The following RAB3GAP1 variants were observed in gnomAD, a reference collection of about 807,000 sequenced individuals.
The protein encoded by RAB3GAP1 is RAB3 GTPase activating protein catalytic subunit 1.
RAB3GAP1 carries 86 observed loss-of-function variants against 130.7 expected under a neutral mutation model. The ratio of observed to expected loss-of-function variants is 0.66; its 90% confidence interval spans 0.55 to 0.79. The LOEUF (loss-of-function observed/expected upper bound fraction) is 0.79, where lower values mean the gene tolerates loss of function less well. Ranked by LOEUF, RAB3GAP1 falls within the 30% of genes least tolerant of loss-of-function variation. RAB3GAP1 has a pLI of 0.00. For missense variants in RAB3GAP1, 1,029 were observed against 1,169.4 expected, an observed-to-expected ratio of 0.88 and a Z score of 1.75; for synonymous variants, 367 against 401.7, an observed-to-expected ratio of 0.91 and a Z score of 1.03.
In RAB3GAP1 at chr2:135,132,994, T is replaced by C; in HGVS notation, c.1326+10T>C. 2 of 1,465,504 alleles carry C rather than the reference T, an allele frequency of 1.4e-6. No individual in the cohort carries two copies. The highest frequency in any genetic ancestry group is 1.9e-6 in the Non-Finnish European group (2 of 1,045,732). 90.8% of individuals were successfully genotyped at this position (1,465,504 alleles called of 1,614,324 possible). On this transcript the variant is annotated intron_variant, in intron 14 of 23. Transcript: ENST00000264158. ...AGAGAGTGAAGACTATGTAAGTTGA[T>C]GTGGAGTTCAATGTTAAAATGTTTT... is the stretch of plus-strand genomic sequence containing the variant.
intron 19 of RAB3GAP1, among the ~76,000 whole-genome samples, chr2:135,160,667 C>T (rs1388443127): frequency 1.6e-5 from 2 of 125,556 alleles, no homozygotes; most frequent in Non-Finnish European, 3.2e-5. Flanking sequence ...AGAGAAAGAC[C>T]CTGTCTCAAA....
intron 17 of RAB3GAP1, among the ~76,000 whole-genome samples, chr2:135,141,994 C>T (rs991156671): frequency 5.9e-5 from 9 of 152,312 alleles, no homozygotes; most frequent in African/African-American, 2.2e-4. Flanking sequence ...AACTTTGTTA[C>T]TCTTCAACAT....
At chr2:135,106,190 C>T (rs1574113932) in intron 5 of RAB3GAP1, among the ~76,000 whole-genome samples, 1 of 152,134 alleles carries the variant, frequency 6.6e-6, no homozygotes, top group East Asian at 1.9e-4. Context: ...GGGGGTGCCT[C>T]TGCCCGGCGG....
chr2:135,106,093 AGGTGGGGGTC>A (rs2104900301), intron 5 of RAB3GAP1, among the ~76,000 whole-genome samples: 1 of 151,398 alleles, frequency 6.6e-6, no homozygotes, highest in African/African-American at 2.4e-5. Flanking sequence ...CCCATCCGGG[AGGTGGGGGTC>A]AGCCCCCGCC....
At chr2:135,165,023 A>G in intron 23 of RAB3GAP1, 1 of 406,000 alleles carries the variant, frequency 2.5e-6, no homozygotes, top group Non-Finnish European at 4.8e-6. Flanking sequence ...ACTCACAGGT[A>G]CTTTCAAATG....
At chr2:135,117,483 G>GCTTCTTCTTCTT (rs1367442367) in intron 7 of RAB3GAP1, among the ~76,000 whole-genome samples, 3 of 27,842 alleles carry the variant, frequency 1.1e-4, no homozygotes, top group Non-Finnish European at 1.7e-4. Flanking sequence ...TGCTTCTTCT[G>GCTTCTTCTTCTT]CTTCTTCTTC....
At chr2:135,160,629 G>A (rs1306623242) in intron 19 of RAB3GAP1, among the ~76,000 whole-genome samples, 1 of 131,076 alleles carries the variant, frequency 7.6e-6, no homozygotes, top group African/African-American at 3.0e-5. Flanking sequence ...AGCCAAGATC[G>A]CACCACTGCA....
chr2:135,175,275 G>C (rs771971085), downstream of RAB3GAP1: 4 of 152,266 alleles, frequency 2.6e-5, no homozygotes, highest in African/African-American at 4.8e-5. Context: ...GGGGTTTCAG[G>C]CCTTGCCATC....
chr2:135,120,870 T>G lies in RAB3GAP1; in HGVS notation c.700T>G (p.Tyr234Asp). 6.2e-7 allele frequency: 1 copy of G among 1,613,472 alleles called. No individual in the cohort carries two copies. The highest frequency in any genetic ancestry group is 8.5e-7 in the Non-Finnish European group (1 of 1,179,410). Reference sequence around the variant, plus strand: ...AGTTAGTATTGCTATTCGATTTACCTATGTACTTCAAGATTGGCAGCAGTA... The same window carrying G: ...AGTTAGTATTGCTATTCGATTTACCGATGTACTTCAAGATTGGCAGCAGTA... ...PPVSIAIRFT[Y>D]VLQDWQQYFW... Residue 234 changes from tyrosine (Y) to aspartate (D), a missense_variant, in exon 8 of 24, where the codon TAT becomes GAT. Physicochemically the swap from Tyr to Asp is radical, Grantham distance 160. Around this residue, in one of 3 missense-constraint regions of RAB3GAP1, gnomAD observed 510 missense variants for 532.1 expected, o/e 0.96. Coordinates refer to ENST00000264158, the MANE Select transcript of RAB3GAP1 (RefSeq NM_012233.3).
rs74701392 is a variant in RAB3GAP1 at position 135,157,072 on chromosome 2, C to T, written c.2289+3196C>T. On this transcript the variant is annotated intron_variant, in intron 19 of 23. Transcript: ENST00000264158. ...GAAAACAAAACGCTCCTCAAAAACA[C>T]ACTTGAACAACAGAAAGATAGCCCT... 1.0e-2 allele frequency among the ~76,000 whole-genome samples: 1,521 copies of T among 152,244 alleles called. 23 individuals carry two copies. Among genetic ancestry groups the T allele is most frequent in the African/African-American group, 0.035 (1,448 of 41,548 alleles).
In RAB3GAP1 at chr2:135,135,746, T is replaced by G. The variant is rs756750106; in HGVS notation, c.1737T>G (p.Ser579Arg). ...TAGGAAAATCTTGGGATTCCTGGAG[T>G]GACAGCGAAGAAGAATTTTTTGAAT... ...GEVGKSWDSW[S>R]DSEEEFFECL... Residue 579 changes from serine (S) to arginine (R), a missense_variant, in exon 17 of 24, where the codon AGT becomes AGG. Coordinates refer to ENST00000264158, the MANE Select transcript of RAB3GAP1 (RefSeq NM_012233.3). 6.2e-7 allele frequency: 1 copy of G among 1,613,696 alleles called. No individual in the cohort carries two copies. Among genetic ancestry groups the G allele is most frequent in the Admixed American group, 1.7e-5 (1 of 59,988 alleles).
intron 7 of RAB3GAP1, among the ~76,000 whole-genome samples, chr2:135,117,594 GCTGCTT>G (rs1691038946): frequency 1.0e-4 from 2 of 19,138 alleles, no homozygotes; most frequent in Admixed American, 5.5e-4. Context: ...TTCTTCTTCT[GCTGCTT>G]CTTCTGCTTC....
intron 19 of RAB3GAP1, among the ~76,000 whole-genome samples, chr2:135,161,139 T>C (rs1252444906): frequency 6.6e-6 from 1 of 152,190 alleles, no homozygotes; most frequent in Non-Finnish European, 1.5e-5. Flanking sequence ...GTAAATCTGT[T>C]GAAACACTTT....
intron 9 of RAB3GAP1, among the ~76,000 whole-genome samples, chr2:135,124,530 T>A (rs1487489585): frequency 6.6e-6 from 1 of 152,236 alleles, no homozygotes; most frequent in South Asian, 2.1e-4. Flanking sequence ...CTGGGTGTGG[T>A]TGCGCACACC....
At chr2:135,066,739 G>A (rs1162724045) in intron 3 of RAB3GAP1, among the ~76,000 whole-genome samples, 3 of 152,106 alleles carry the variant, frequency 2.0e-5, no homozygotes, top group Admixed American at 1.3e-4. Context: ...TTGAAGGCAA[G>A]GGAAGTAAAG....
chr2:135,144,109 G>A (rs552255602), intron 17 of RAB3GAP1, among the ~76,000 whole-genome samples: 1 of 152,312 alleles, frequency 6.6e-6, no homozygotes, highest in African/African-American at 2.4e-5. Flanking sequence ...TTAGCTCTCA[G>A]CTGGGCTGAG....
downstream of RAB3GAP1, among the ~76,000 whole-genome samples, chr2:135,174,838 G>A (rs1035748558): frequency 3.9e-5 from 6 of 152,192 alleles, no homozygotes; most frequent in African/African-American, 1.2e-4. Flanking sequence ...GGAGTGCGAC[G>A]GTGGGAGGCC....
chr2:135,109,012 GTCTAT>G (rs1463357360), intron 5 of RAB3GAP1, among the ~76,000 whole-genome samples: 1 of 152,082 alleles, frequency 6.6e-6, no homozygotes, highest in African/African-American at 2.4e-5. Context: ...TTTTTAGGCT[GTCTAT>G]TCTGTTCCAT....
At chr2:135,065,793 A>G (rs1046875755) in intron 3 of RAB3GAP1, among the ~76,000 whole-genome samples, 1 of 133,224 alleles carries the variant, frequency 7.5e-6, no homozygotes, top group Admixed American at 7.8e-5. Context: ...TTTTTTTGAG[A>G]CGGAGTCTCA....
Sources: allele counts gnomAD v4.1 joint callset (sites outside exome capture counted in the v4.1 genomes callset), GRCh38; gene constraint gnomAD v4.1.1; regional missense constraint gnomAD v4.1.1; transcripts MANE v1.5; gene names NCBI Gene and HGNC (gene_info 2026-07-23, HGNC 2026-07-21).